Variants in ATF7IP observed in about 807,000 individuals in gnomAD.
ATF7IP encodes activating transcription factor 7 interacting protein.
In ATF7IP, 23 loss-of-function variants were observed where a neutral mutation model predicts 106.4. That is an observed-to-expected ratio of 0.22 (90% CI 0.16 to 0.31). The LOEUF is 0.31. Among genes scored for constraint, ATF7IP ranks in the 10% least tolerant of loss-of-function variants. ATF7IP has a pLI of 1.00. For synonymous variants in ATF7IP, 542 were observed against 539.0 expected (o/e 1.01, Z -0.08); for missense variants, 1,334 against 1,524.3 (o/e 0.88, Z 2.08).
Position 14,424,471 on chromosome 12 carries a change from C to CCTGGTGATGCCACCT in ATF7IP, c.570_584dup (p.Ser191_Thr195dup). On this transcript the variant is annotated inframe_insertion, in exon 2 of 15. Transcript: ENST00000261168. ...TGATGCCCCTTCTGGTGATGTGTCC[C>CCTGGTGATGCCACCT]CTGGTGATGCCACCTCTGGTGATGC... The CCTGGTGATGCCACCT allele has an allele frequency of 6.2e-7, 1 of 1,611,336 alleles. No individual in the cohort carries two copies.
At chr12:14,492,730 C>T (rs368192726) in intron 13 of ATF7IP, among the ~76,000 whole-genome samples, 1 of 152,172 alleles carries the variant, frequency 6.6e-6, no homozygotes, top group Admixed American at 6.5e-5. Flanking sequence ...GGTAGCTATG[C>T]CCACATTGCC....
intron 3 of ATF7IP, among the ~76,000 whole-genome samples, chr12:14,435,379 T>TAA (rs1190279486): frequency 6.6e-6 from 1 of 152,104 alleles, no homozygotes; most frequent in Non-Finnish European, 1.5e-5. Flanking sequence ...TACAGACACA[T>TAA]ACAGAGGGAT....
At chr12:14,475,370 C>T (rs1238986076) in intron 10 of ATF7IP, among the ~76,000 whole-genome samples, 3 of 152,042 alleles carry the variant, frequency 2.0e-5, no homozygotes, top group African/African-American at 4.8e-5. Context: ...TCTTATAATC[C>T]TAATATTTCT....
chr12:14,401,823 C>T (rs1940229213), intron 1 of ATF7IP, among the ~76,000 whole-genome samples: 1 of 150,030 alleles, frequency 6.7e-6, no homozygotes, highest in Non-Finnish European at 1.5e-5. Context: ...AAGCAGTTCT[C>T]CTGCCTCAGC....
intron 13 of ATF7IP, among the ~76,000 whole-genome samples, chr12:14,492,277 C>T (rs1005986817): frequency 1.3e-5 from 2 of 152,182 alleles, no homozygotes; most frequent in Non-Finnish European, 2.9e-5. Context: ...TGCTTTGGGT[C>T]TCCTGGGATC....
chr12:14,438,750 C>A (rs1400026241), intron 5 of ATF7IP, among the ~76,000 whole-genome samples: 1 of 152,140 alleles, frequency 6.6e-6, no homozygotes, highest in Non-Finnish European at 1.5e-5. Flanking sequence ...TAACTAATTA[C>A]CTCTGCAATG....
At chr12:14,430,556 T>C (rs77174159) in intron 2 of ATF7IP, among the ~76,000 whole-genome samples, 5,090 of 152,336 alleles carry the variant, frequency 0.033, 149 homozygotes, top group African/African-American at 0.075. Context: ...CTTATTTTTC[T>C]GATAGATCTT....
At chr12:14,454,000 T>C (rs1416184336) in intron 6 of ATF7IP, among the ~76,000 whole-genome samples, 1 of 152,196 alleles carries the variant, frequency 6.6e-6, no homozygotes, top group Admixed American at 6.5e-5. Flanking sequence ...GGGTTGGTTT[T>C]TGGAGATTTA....
intron 10 of ATF7IP, among the ~76,000 whole-genome samples, chr12:14,472,176 C>T (rs1443988201): frequency 6.6e-6 from 1 of 152,082 alleles, no homozygotes; most frequent in Non-Finnish European, 1.5e-5. Flanking sequence ...ACATATCTGA[C>T]TTATTACCCT....
chr12:14,383,752 A>C (rs951065036), intron 1 of ATF7IP, among the ~76,000 whole-genome samples: 1 of 152,080 alleles, frequency 6.6e-6, no homozygotes, highest in Non-Finnish European at 1.5e-5. Context: ...AGACAGACAG[A>C]GATCTCGCTT....
chr12:14,492,844 A>G (rs1944874765), intron 13 of ATF7IP, among the ~76,000 whole-genome samples: 1 of 151,864 alleles, frequency 6.6e-6, no homozygotes, highest in Admixed American at 6.6e-5. Flanking sequence ...CCGCTGTTAG[A>G]TCTGACATAT....
intron 13 of ATF7IP, among the ~76,000 whole-genome samples, chr12:14,484,018 G>A (rs1244564030): frequency 2.6e-5 from 4 of 152,140 alleles, no homozygotes; most frequent in Non-Finnish European, 4.4e-5. Flanking sequence ...TCTGGAGTAA[G>A]TGTCTATTCC....
At chr12:14,483,272 T>G (rs1944486143) in intron 13 of ATF7IP, among the ~76,000 whole-genome samples, 1 of 152,220 alleles carries the variant, frequency 6.6e-6, no homozygotes, top group Admixed American at 6.5e-5. Context: ...CTATTGGCCT[T>G]AATCACAGGG....
chr12:14,418,406 A>G (rs1163688554), intron 1 of ATF7IP, among the ~76,000 whole-genome samples: 1 of 152,222 alleles, frequency 6.6e-6, no homozygotes, highest in East Asian at 1.9e-4. Context: ...TTTTCTGTGA[A>G]AATGAATTAC....
chr12:14,498,123 T>G lies in ATF7IP; in HGVS notation c.*50T>G, dbSNP rs775993575. The G allele has an allele frequency of 6.3e-5, 95 of 1,500,074 alleles. No individual in the cohort carries two copies. The highest frequency in any genetic ancestry group is 8.5e-5 in the Non-Finnish European group (95 of 1,119,494). The allele number at this position is 1,500,074 out of a possible 1,614,324, so 92.9% of individuals were successfully genotyped here. A position where few individuals can be genotyped will look rare whatever the true frequency, so the allele number is the denominator to read the frequency against. On this transcript the variant is annotated 3_prime_UTR_variant, in exon 15 of 15. Transcript: ENST00000261168. ...CTTTTAAAATTTCCACCTTTTGGTCTTGTTTTTAATCTTGTGCATGATACC... is the reference window on the plus strand; with the variant it reads ...CTTTTAAAATTTCCACCTTTTGGTCGTGTTTTTAATCTTGTGCATGATACC...
chr12:14,416,631 A>G (rs1444579093), intron 1 of ATF7IP, among the ~76,000 whole-genome samples: 1 of 152,216 alleles, frequency 6.6e-6, no homozygotes, highest in Admixed American at 6.5e-5. Context: ...TATTTAATCA[A>G]AGAAACCCTA....
Position 14,499,157 on chromosome 12 carries a change from T to C in ATF7IP, c.*1084T>C, listed in dbSNP as rs1945095831. 1 of 152,174 alleles carries C rather than the reference T, an allele frequency of 6.6e-6. No individual in the cohort carries two copies. Among genetic ancestry groups the C allele is most frequent in the Non-Finnish European group, 1.5e-5 (1 of 68,044 alleles). The allele number at this position is 152,174 out of a possible 1,614,324, so 9.4% of individuals were successfully genotyped here. A position where few individuals can be genotyped will look rare whatever the true frequency, so the allele number is the denominator to read the frequency against. On this transcript the variant is annotated 3_prime_UTR_variant, in exon 15 of 15. Coordinates refer to ENST00000261168, the MANE Select transcript of ATF7IP (RefSeq NM_018179.5). ...CACTGTATCCAGCCTACTCAAGTGA[T>C]TTTTAAACCAAGGTGTGTGTATGTA...
Position 14,425,069 on chromosome 12 carries a change from C to T in ATF7IP, c.1154C>T (p.Ala385Val). The change falls in exon 2 of 15, where the codon GCT becomes GTT. Residue 385 changes from alanine to valine, a missense_variant. By Grantham distance (64) the Ala-to-Val change is moderately conservative (BLOSUM62 0). Coordinates refer to ENST00000261168, the MANE Select transcript of ATF7IP (RefSeq NM_018179.5). ...ACAGAGCTTGCTCTTGGAGAAGATG[C>T]TATATCTAGCAGTATGGAAATTGAC... ...IITELALGEDAISSSMEIDQG... is the reference protein window; with the variant it reads ...IITELALGEDVISSSMEIDQG... The T allele has an allele frequency of 6.3e-7, 1 of 1,599,846 alleles. No homozygotes were observed. The highest frequency in any genetic ancestry group is 1.1e-5 in the South Asian group (1 of 87,494).
intron 2 of ATF7IP, among the ~76,000 whole-genome samples, chr12:14,426,090 T>G (rs1281166186): frequency 6.6e-6 from 1 of 152,196 alleles, no homozygotes; most frequent in African/African-American, 2.4e-5. Flanking sequence ...TTCTCTTATT[T>G]GATATTGTCC....
Sources: gnomAD v4.1 joint callset for allele counts (sites outside exome capture counted in the v4.1 genomes callset) on GRCh38, gnomAD v4.1.1 for gene constraint, MANE v1.5 for transcripts, NCBI Gene and HGNC (gene_info 2026-07-23, HGNC 2026-07-21) for gene names.